The following PTPRN2 variants were observed in gnomAD, a reference collection of about 807,000 sequenced individuals.
The protein encoded by PTPRN2 is protein tyrosine phosphatase receptor type N2.
In PTPRN2, 74 loss-of-function variants were observed where a neutral mutation model predicts 118.8. The ratio of observed to expected loss-of-function variants is 0.62; its 90% CI spans 0.52 to 0.76. The LOEUF (loss-of-function observed/expected upper bound fraction) is 0.76, where lower values mean the gene tolerates loss of function less well. Ranked by LOEUF, PTPRN2 falls within the 30% of genes least tolerant of loss-of-function variation. The probability of loss-of-function intolerance (pLI) is 0.00; values close to 1 mark genes in which losing one functional copy is unlikely to be tolerated. For synonymous variants in PTPRN2, 641 were observed against 608.0 expected, an observed-to-expected ratio of 1.05 and a Z score of -0.80; for missense variants, 1,481 against 1,394.4, an observed-to-expected ratio of 1.06 and a Z score of -0.99.
chr7:157,840,193 G>C (rs1291119044), intron 12 of PTPRN2, among the ~76,000 whole-genome samples: 3 of 148,634 alleles, frequency 2.0e-5, no homozygotes, highest in South Asian at 2.2e-4. Context: ...GTGTGTGACT[G>C]TGACCGCGTG....
intron 12 of PTPRN2, among the ~76,000 whole-genome samples, chr7:157,851,211 GGGT>G (rs1809253090): frequency 6.6e-6 from 1 of 152,210 alleles, no homozygotes; most frequent in Non-Finnish European, 1.5e-5. Flanking sequence ...GAGGCTGTTT[GGGT>G]TCCTGCCTCC....
intron 3 of PTPRN2, among the ~76,000 whole-genome samples, chr7:158,268,591 A>T (rs1807262): frequency 3.0e-5 from 4 of 134,268 alleles, no homozygotes; most frequent in African/African-American, 5.7e-5. Flanking sequence ...GGCGGGTGTG[A>T]AATATCCCAG....
At chr7:157,625,671 C>T (rs529470344) in intron 14 of PTPRN2, among the ~76,000 whole-genome samples, 1 of 152,134 alleles carries the variant, frequency 6.6e-6, no homozygotes, top group East Asian at 1.9e-4. Flanking sequence ...TCACAAATCA[C>T]CACTAAAGAA....
intron 2 of PTPRN2, among the ~76,000 whole-genome samples, chr7:158,368,225 C>A (rs112098578): frequency 1.3e-5 from 2 of 152,134 alleles, no homozygotes; most frequent in East Asian, 1.9e-4. Context: ...CCAGGATATT[C>A]GGCAGCAGGC....
intron 2 of PTPRN2, among the ~76,000 whole-genome samples, chr7:158,436,390 T>C (rs541590871): frequency 1.1e-3 from 171 of 151,042 alleles, no homozygotes; most frequent in African/African-American, 3.9e-3. Context: ...TCGAGTTCTG[T>C]CTGTCTTTTC....
chr7:158,506,807 G>A (rs867541964), intron 1 of PTPRN2, among the ~76,000 whole-genome samples: 9 of 150,752 alleles, frequency 6.0e-5, no homozygotes, highest in Middle Eastern at 6.8e-3. Context: ...TCACTCCCCC[G>A]CCCCTCCGCC....
chr7:158,090,721 A>G (rs1814046045), intron 10 of PTPRN2, among the ~76,000 whole-genome samples: 1 of 152,218 alleles, frequency 6.6e-6, no homozygotes, highest in South Asian at 2.1e-4. Context: ...CAGACTGTTG[A>G]GTGTAAGAGT....
At chr7:158,018,990 A>AAGAG (rs1484584901) in intron 11 of PTPRN2, among the ~76,000 whole-genome samples, 2 of 149,698 alleles carry the variant, frequency 1.3e-5, no homozygotes, top group Non-Finnish European at 1.5e-5. Flanking sequence ...AAAAAAAAAA[A>AAGAG]AGAGAATATA....
chr7:157,840,385 CGTGTGACTGTGTGACCGT>C (rs1157675906), intron 12 of PTPRN2, among the ~76,000 whole-genome samples: 4,161 of 116,358 alleles, frequency 0.036, 164 homozygotes, highest in South Asian at 0.14. Context: ...TGTGTGACCG[CGTGTGACTGTGTGACCGT>C]GTGTGACTGT....
intron 12 of PTPRN2, among the ~76,000 whole-genome samples, chr7:157,745,187 G>A (rs527460824): frequency 5.7e-4 from 87 of 152,302 alleles, no homozygotes; most frequent in African/African-American, 1.8e-3. Context: ...GGTGGAGCTC[G>A]TACAGTCAGC....
intron 13 of PTPRN2, among the ~76,000 whole-genome samples, chr7:157,670,386 A>G (rs1796350979): frequency 6.6e-6 from 1 of 152,178 alleles, no homozygotes; most frequent in African/African-American, 2.4e-5. Context: ...GCTCCTGATA[A>G]CATCAGATTG....
At chr7:157,791,210 A>C (rs538654613) in intron 12 of PTPRN2, among the ~76,000 whole-genome samples, 1 of 152,358 alleles carries the variant, frequency 6.6e-6, no homozygotes, top group South Asian at 2.1e-4. Flanking sequence ...TATGTGACTA[A>C]GAAGAATGAG....
Position 157,929,717 on chromosome 7 carries a change from T to C in PTPRN2, c.1724-30980A>G, listed in dbSNP as rs539339092. Reference sequence around the variant, plus strand: ...CCCTGTCCCTCGGGTGGGGGCGGCATCCTCACAGGGGTGAGGAGCTCTGTG... The same window carrying C: ...CCCTGTCCCTCGGGTGGGGGCGGCACCCTCACAGGGGTGAGGAGCTCTGTG... On this transcript the variant is annotated intron_variant, in intron 11 of 22. Transcript: ENST00000389418. This position sits in a 1 kb window ranked among gnomAD's most constrained non-coding sequence, Gnocchi z 4.4. Among the ~76,000 whole-genome samples, 14 of 125,062 alleles carry C rather than the reference T, an allele frequency of 1.1e-4. No individual in the cohort carries two copies. The highest frequency in any genetic ancestry group is 4.3e-4 in the Admixed American group (5 of 11,558). 82.0% of individuals were successfully genotyped at this position (125,062 alleles called of 152,430 possible). A position where few individuals can be genotyped will look rare whatever the true frequency, so the allele number is the denominator to read the frequency against.
chr7:158,014,670 T>C (rs1409315797), intron 11 of PTPRN2, among the ~76,000 whole-genome samples: 1 of 151,058 alleles, frequency 6.6e-6, no homozygotes, highest in Non-Finnish European at 1.5e-5. Flanking sequence ...TCCATCCATC[T>C]ATTTACCCAT....
At chr7:158,143,011 A>AACCGAGCC (rs1253499162) in intron 6 of PTPRN2, among the ~76,000 whole-genome samples, 6 of 152,166 alleles carry the variant, frequency 3.9e-5, no homozygotes, top group East Asian at 1.9e-4. Context: ...TCAGCCTCGC[A>AACCGAGCC]ACCGAGCCAC....
intron 11 of PTPRN2, among the ~76,000 whole-genome samples, chr7:157,961,033 A>G (rs1206265468): frequency 6.6e-6 from 1 of 152,116 alleles, no homozygotes; most frequent in East Asian, 1.9e-4. Context: ...CAAAACCAAA[A>G]CAAAACAAAA....
At chr7:158,444,652 G>A (rs1167935138) in intron 2 of PTPRN2, among the ~76,000 whole-genome samples, 4 of 152,238 alleles carry the variant, frequency 2.6e-5, no homozygotes, top group Middle Eastern at 3.4e-3. Flanking sequence ...GCAGCTGCTC[G>A]CCAGAACGTC....
chr7:157,998,294 G>C (rs1014962029), intron 11 of PTPRN2, among the ~76,000 whole-genome samples: 2 of 152,298 alleles, frequency 1.3e-5, no homozygotes, highest in Non-Finnish European at 2.9e-5. Flanking sequence ...AATAGGAAAA[G>C]AGCCATGAAA....
intron 1 of PTPRN2, among the ~76,000 whole-genome samples, chr7:158,495,449 A>G (rs1394156957): frequency 6.6e-6 from 1 of 152,054 alleles, no homozygotes; most frequent in African/African-American, 2.4e-5. Context: ...TCTCCCTTGC[A>G]TTCTCAGATG....
Sources: allele counts gnomAD v4.1 joint callset (sites outside exome capture counted in the v4.1 genomes callset), GRCh38; gene constraint gnomAD v4.1.1; non-coding constraint Gnocchi (gnomAD v3.1); transcripts MANE v1.5; gene names NCBI Gene and HGNC (gene_info 2026-07-23, HGNC 2026-07-21).